MPV17L: variants seen among roughly 807,000 people sequenced by gnomAD.
MPV17L encodes the protein mpv17-like protein.
A neutral mutation model predicts 25.8 loss-of-function variants in MPV17L; 24 were observed. That is an observed-to-expected ratio of 0.93 (90% CI 0.67 to 1.31). The LOEUF is 1.31. MPV17L is among the 50% of genes most tolerant of loss of function. MPV17L has a pLI of 0.00. For synonymous variants in MPV17L, 102 were observed against 115.3 expected (o/e 0.88, Z 0.74); for missense variants, 250 against 265.6 (o/e 0.94, Z 0.41).
At chr16:15,399,721 T>A (rs1173974339) in intron 1 of MPV17L, among the ~76,000 whole-genome samples, 2 of 152,104 alleles carry the variant, frequency 1.3e-5, no homozygotes, top group Non-Finnish European at 2.9e-5. Flanking sequence ...TGATGGAAAA[T>A]TTGTAGTCGC....
At chr16:15,402,625 C>A (rs1001271030) in intron 2 of MPV17L, among the ~76,000 whole-genome samples, 5 of 152,174 alleles carry the variant, frequency 3.3e-5, no homozygotes, top group Non-Finnish European at 5.9e-5. Flanking sequence ...CCCATGGTGA[C>A]AACCAAATGT....
intron 2 of MPV17L, among the ~76,000 whole-genome samples, chr16:15,402,087 G>T (rs547384815): frequency 1.7e-4 from 26 of 152,260 alleles, no homozygotes; most frequent in African/African-American, 5.5e-4. Flanking sequence ...CTGGTGAAAA[G>T]AACTTTAACA....
chr16:15,406,193 A>AT (rs1567433070), intron 2 of MPV17L, among the ~76,000 whole-genome samples: 1 of 151,288 alleles, frequency 6.6e-6, no homozygotes, highest in African/African-American at 2.4e-5. Context: ...CATCTCAAAA[A>AT]ATATATATAT....
At position 15,412,060 on chromosome 16, in the gene MPV17L, T is replaced by C. The variant is rs987324484; in HGVS notation, c.*3948T>C. 1 of 152,188 alleles carries C rather than the reference T, an allele frequency of 6.6e-6. No individual in the cohort carries two copies. Among genetic ancestry groups the C allele is most frequent in the Non-Finnish European group, 1.5e-5 (1 of 68,040 alleles). The allele number at this position is 152,188 out of a possible 1,614,324, so 9.4% of individuals were successfully genotyped here. A position where few individuals can be genotyped will look rare whatever the true frequency, so the allele number is the denominator to read the frequency against. On this transcript the variant is annotated 3_prime_UTR_variant, in exon 4 of 4. Coordinates refer to ENST00000396385, the MANE Select transcript of MPV17L (RefSeq NM_001128423.2). ...TTTTTTGTTTGTACAAAAACTAATA[T>C]AAGTTATTCTCTTTTATTTGTATTG...
rs1196517046 is a variant in MPV17L at position 15,410,417 on chromosome 16, G to C, written c.*2305G>C. The C allele has an allele frequency of 1.3e-5, 2 of 152,232 alleles. No homozygotes were observed. The highest frequency in any genetic ancestry group is 2.4e-5 in the African/African-American group (1 of 41,426). 9.4% of individuals were successfully genotyped at this position (152,232 alleles called of 1,614,324 possible). On this transcript the variant is annotated 3_prime_UTR_variant, in exon 4 of 4. Transcript: ENST00000396385. Reference sequence around the variant, plus strand: ...ATACAAAAAATTAGCCAGGCGTGGTGGTGGGCGCCTGTAGTCCCAGCTACT... The same window carrying C: ...ATACAAAAAATTAGCCAGGCGTGGTCGTGGGCGCCTGTAGTCCCAGCTACT...
chr16:15,410,711 G>A lies in MPV17L; in HGVS notation c.*2599G>A, dbSNP rs2050726246. ...ATTTAAGACTATATACCTAAAAATT[G>A]AGCATATAATTTGTATAATTTGTTT... On this transcript the variant is annotated 3_prime_UTR_variant, in exon 4 of 4. Transcript: ENST00000396385. 1 of 152,090 alleles carries A rather than the reference G, an allele frequency of 6.6e-6. No individual in the cohort carries two copies. The highest frequency in any genetic ancestry group is 2.1e-4 in the South Asian group (1 of 4,830). 9.4% of individuals were successfully genotyped at this position (152,090 alleles called of 1,614,324 possible). A position where few individuals can be genotyped will look rare whatever the true frequency, so the allele number is the denominator to read the frequency against.
chr16:15,405,319 G>T (rs540205462), intron 2 of MPV17L, among the ~76,000 whole-genome samples: 19 of 151,372 alleles, frequency 1.3e-4, no homozygotes, highest in Non-Finnish European at 2.5e-4. Flanking sequence ...GGATTGTTTG[G>T]GGTCAGGAAT....
intron 2 of MPV17L, among the ~76,000 whole-genome samples, chr16:15,402,656 TTTTG>T (rs1055587173): frequency 3.3e-5 from 5 of 152,156 alleles, no homozygotes; most frequent in African/African-American, 7.2e-5. Context: ...TGGTTTTGTT[TTTTG>T]TTTGTGTGTT....
chr16:15,405,701 C>T (rs1223820230), intron 2 of MPV17L, among the ~76,000 whole-genome samples: 1 of 150,942 alleles, frequency 6.6e-6, no homozygotes, highest in Non-Finnish European at 1.5e-5. Context: ...CCTGCCTTGG[C>T]CTCCCAAAGT....
chr16:15,396,097 T>A lies in MPV17L; in HGVS notation c.200T>A (p.Leu67Gln). Reference protein sequence around the residue: ...TFHANFNYVWLRLLERALPGR... With the variant: ...TFHANFNYVWQRLLERALPGR... ...CACGCCAACTTCAACTACGTGTGGC[T>A]GCGCCTGCTGGAGCGCGCGCTCCCG... Residue 67 changes from leucine to glutamine, a missense_variant, in exon 1 of 4, where the codon CTG (leucine) becomes CAG (glutamine). Leu to Gln is a moderately radical substitution (Grantham distance 113). Coordinates refer to ENST00000396385, the MANE Select transcript of MPV17L (RefSeq NM_001128423.2). The A allele has an allele frequency of 3.2e-6, 5 of 1,545,278 alleles. No homozygotes were observed. Among genetic ancestry groups the A allele is most frequent in the Non-Finnish European group, 4.4e-6 (5 of 1,147,218 alleles).
At chr16:15,406,753 C>T (rs1290775290) in intron 2 of MPV17L, among the ~76,000 whole-genome samples, 1 of 148,092 alleles carries the variant, frequency 6.8e-6, no homozygotes, top group Non-Finnish European at 1.5e-5. Context: ...TGGTAAAACC[C>T]TGTCTCTACT....
At position 15,396,019 on chromosome 16, in the gene MPV17L, G is replaced by A. The variant is rs1196945052; in HGVS notation, c.122G>A (p.Arg41His). ...GDALQQRLQG[R>H]EANWRQTRRV... ...GCGCTGCAACAGCGGCTGCAGGGCC[G>A]CGAGGCCAACTGGCGCCAGACGCGG... The change falls in exon 1 of 4, where the codon CGC (arginine) becomes CAC (histidine). Residue 41 changes from arginine (R) to histidine (H), a missense_variant. Coordinates refer to ENST00000396385, the MANE Select transcript of MPV17L (RefSeq NM_001128423.2). The A allele has an allele frequency of 2.0e-6, 3 of 1,527,688 alleles. No individual in the cohort carries two copies. Among genetic ancestry groups the A allele is most frequent in the Admixed American group, 4.0e-5 (2 of 50,348 alleles). 94.6% of individuals were successfully genotyped at this position (1,527,688 alleles called of 1,614,324 possible).
Position 15,396,212 on chromosome 16 carries a change from G to A in MPV17L, c.310+5G>A, listed in dbSNP as rs2050581321. On this transcript the variant is annotated splice_donor_5th_base_variant and intron_variant, in intron 1 of 3. Transcript: ENST00000396385. ...CGGTCTCGGCCTTCTATGTCGGTGA[G>A]GGGCCGGGAGGGGACCTGGGGGGTG... The A allele has an allele frequency of 1.3e-6, 2 of 1,547,882 alleles. No homozygotes were observed. The highest frequency in any genetic ancestry group is 8.7e-7 in the Non-Finnish European group (1 of 1,146,706).
chr16:15,404,821 CAAAA>C (rs1182315109), intron 2 of MPV17L, among the ~76,000 whole-genome samples: 2 of 151,940 alleles, frequency 1.3e-5, no homozygotes, highest in Non-Finnish European at 2.9e-5. Context: ...GACTCCATCT[CAAAA>C]CAAACAAACA....
At chr16:15,405,656 A>G (rs1288512581) in intron 2 of MPV17L, among the ~76,000 whole-genome samples, 1 of 151,554 alleles carries the variant, frequency 6.6e-6, no homozygotes, top group Non-Finnish European at 1.5e-5. Flanking sequence ...CATGTTGGTC[A>G]GGCTGGTCTC....
intron 1 of MPV17L, among the ~76,000 whole-genome samples, chr16:15,398,740 C>T (rs1200143051): frequency 6.6e-6 from 1 of 151,852 alleles, no homozygotes; most frequent in African/African-American, 2.4e-5. Context: ...ATTACAGGTG[C>T]CCGCCACCAC....
At position 15,395,901 on chromosome 16, in the gene MPV17L, G is replaced by A. The variant is rs2050573789; in HGVS notation, c.4G>A (p.Ala2Thr). The change falls in exon 1 of 4, where the codon GCG (alanine) becomes ACG (threonine). Residue 2 changes from alanine (A) to threonine (T), a missense_variant. By Grantham distance (58) the Ala-to-Thr change is moderately conservative (BLOSUM62 0). Coordinates refer to ENST00000396385, the MANE Select transcript of MPV17L (RefSeq NM_001128423.2). M[A>T]GWWPALSRAA... ...CGCGGGCGCCCACAGCGCGGACATGGCGGGCTGGTGGCCGGCGTTGTCGCG... is the reference window on the plus strand; with the variant it reads ...CGCGGGCGCCCACAGCGCGGACATGACGGGCTGGTGGCCGGCGTTGTCGCG... 1 of 1,405,154 alleles carries A rather than the reference G, an allele frequency of 7.1e-7. No individual in the cohort carries two copies. Among genetic ancestry groups the A allele is most frequent in the African/African-American group, 1.5e-5 (1 of 66,006 alleles). The allele number at this position is 1,405,154 out of a possible 1,614,324, so 87.0% of individuals were successfully genotyped here. A position where few individuals can be genotyped will look rare whatever the true frequency, so the allele number is the denominator to read the frequency against.
At position 15,396,132 on chromosome 16, in the gene MPV17L, C is replaced by A; in HGVS notation, c.235C>A (p.Pro79Thr). The change falls in exon 1 of 4, where the codon CCG (proline) becomes ACG (threonine). Residue 79 changes from proline to threonine, a missense_variant. Coordinates refer to ENST00000396385, the MANE Select transcript of MPV17L (RefSeq NM_001128423.2). ...LLERALPGRAPHALLAKLLCD... is the reference protein window; with the variant it reads ...LLERALPGRATHALLAKLLCD... The stretch of plus-strand genomic sequence containing the variant: ...GGAGCGCGCGCTCCCGGGCCGAGCG[C>A]CGCACGCCCTGCTGGCCAAGTTGCT... 1.3e-6 allele frequency: 2 copies of A among 1,547,742 alleles called. No individual in the cohort carries two copies. Among genetic ancestry groups the A allele is most frequent in the Non-Finnish European group, 1.7e-6 (2 of 1,147,024 alleles).
In MPV17L at chr16:15,399,414, T is replaced by A. The variant is rs75899412; in HGVS notation, c.311-1373T>A. 1,108 of 454,658 alleles carry A rather than the reference T, an allele frequency of 2.4e-3. 15 individuals carry two copies. Among genetic ancestry groups the A allele is most frequent in the African/African-American group, 0.021 (1,058 of 50,100 alleles). 28.2% of individuals were successfully genotyped at this position (454,658 alleles called of 1,614,324 possible). On this transcript the variant is annotated intron_variant, in intron 1 of 3. Coordinates refer to ENST00000396385, the MANE Select transcript of MPV17L (RefSeq NM_001128423.2). ...TGAATTTATTGTTACTTTTTTCCTT[T>A]TCTTTTTCTGAGACAGGGTCTCACT...
Sources: gnomAD v4.1 joint callset for allele counts (sites outside exome capture counted in the v4.1 genomes callset) on GRCh38, gnomAD v4.1.1 for gene constraint, MANE v1.5 for transcripts, NCBI Gene and HGNC (gene_info 2026-07-23, HGNC 2026-07-21) for gene names.